The following TWSG1 variants were observed in gnomAD, a reference collection of about 807,000 sequenced individuals.
TWSG1 encodes the protein twisted gastrulation protein homolog 1.
A neutral mutation model predicts 23.0 loss-of-function variants in TWSG1; 15 were observed. That is an observed-to-expected ratio of 0.65 (90% CI 0.44 to 1.00). The LOEUF (loss-of-function observed/expected upper bound fraction) is 1.00, where lower values mean the gene tolerates loss of function less well. TWSG1 is among the 50% of genes least tolerant of loss of function. The pLI, the probability that TWSG1 is intolerant of heterozygous loss-of-function variation, is 0.00. For missense variants in TWSG1, 242 were observed against 278.7 expected (o/e 0.87, Z 0.94); for synonymous variants, 86 against 92.8 (o/e 0.93, Z 0.42).
intron 3 of TWSG1, among the ~76,000 whole-genome samples, chr18:9,394,981 A>T (rs1214680125): frequency 6.6e-6 from 1 of 152,176 alleles, no homozygotes; most frequent in East Asian, 1.9e-4. Flanking sequence ...AACCCCATTC[A>T]GTGTCACCAG....
In TWSG1 at chr18:9,361,647, G is replaced by A. The variant is rs542597836; in HGVS notation, c.223+1576G>A. On this transcript the variant is annotated intron_variant, in intron 3 of 4. Transcript: ENST00000262120. ...GCTGGGGTATGGGGCAGTATGCCAG[G>A]CTGCAAATGTTCTGGGAACCTGAGG... Among the ~76,000 whole-genome samples the A allele has an allele frequency of 6.6e-5, 10 of 152,324 alleles. No homozygotes were observed. In the South Asian group the frequency reaches 2.1e-3, roughly 32 times the overall value.
intron 3 of TWSG1, among the ~76,000 whole-genome samples, chr18:9,386,453 CAAAA>C (rs1168896311): frequency 3.0e-5 from 2 of 67,252 alleles, no homozygotes; most frequent in Non-Finnish European, 3.3e-5. Context: ...GACTCCATCT[CAAAA>C]AAAAAAAAAA....
intron 3 of TWSG1, among the ~76,000 whole-genome samples, chr18:9,379,201 T>C (rs567783738): frequency 1.6e-4 from 25 of 152,308 alleles, no homozygotes; most frequent in African/African-American, 6.0e-4. Flanking sequence ...TAAATCATTC[T>C]ACCTTAAAGA....
At chr18:9,387,805 A>T (rs2040692830) in intron 3 of TWSG1, among the ~76,000 whole-genome samples, 2 of 151,696 alleles carry the variant, frequency 1.3e-5, no homozygotes, top group Non-Finnish European at 2.9e-5. Context: ...GCAGACAGCA[A>T]ATACGTTTTA....
At chr18:9,361,633 G>A (rs1436296400) in intron 3 of TWSG1, among the ~76,000 whole-genome samples, 1 of 152,218 alleles carries the variant, frequency 6.6e-6, no homozygotes, top group Non-Finnish European at 1.5e-5. Flanking sequence ...CTGGGGTATG[G>A]GGCAGTATGC....
chr18:9,383,495 A>T (rs2040668813), intron 3 of TWSG1, among the ~76,000 whole-genome samples: 1 of 152,162 alleles, frequency 6.6e-6, no homozygotes, highest in African/African-American at 2.4e-5. Context: ...CCCGGCCTTG[A>T]ATTACACTTT....
chr18:9,396,993 G>C (rs112043678), intron 4 of TWSG1: 6,187 of 162,974 alleles, frequency 0.038, 418 homozygotes, highest in African/African-American at 0.14. Flanking sequence ...GAGAGTCGGA[G>C]GTTGCTGTGA....
chr18:9,351,951 ACT>A (rs1377688658), intron 2 of TWSG1, among the ~76,000 whole-genome samples: 1 of 152,054 alleles, frequency 6.6e-6, no homozygotes, highest in African/African-American at 2.4e-5. Context: ...CAGCCTGTTC[ACT>A]GTTTTTAGAT....
intron 2 of TWSG1, among the ~76,000 whole-genome samples, chr18:9,353,362 T>C (rs1441587660): frequency 6.6e-6 from 1 of 152,240 alleles, no homozygotes; most frequent in Non-Finnish European, 1.5e-5. Flanking sequence ...TTTTCCTTAA[T>C]ATAAATGTAG....
intron 2 of TWSG1, among the ~76,000 whole-genome samples, chr18:9,357,842 G>T (rs996749784): frequency 1.5e-4 from 4 of 25,970 alleles, no homozygotes; most frequent in South Asian, 1.1e-3. Flanking sequence ...AGCAGGGAAG[G>T]GGGGGGATGG....
At chr18:9,389,640 A>G (rs180724757) in intron 3 of TWSG1, among the ~76,000 whole-genome samples, 1 of 152,296 alleles carries the variant, frequency 6.6e-6, no homozygotes, top group Admixed American at 6.5e-5. Context: ...TCTTGCCATG[A>G]TCCTTAAACT....
At chr18:9,373,653 A>G (rs2040616261) in intron 3 of TWSG1, among the ~76,000 whole-genome samples, 3 of 152,258 alleles carry the variant, frequency 2.0e-5, no homozygotes, top group African/African-American at 4.8e-5. Flanking sequence ...CAGAGAATCA[A>G]TAGGGACATG....
intron 3 of TWSG1, among the ~76,000 whole-genome samples, chr18:9,395,947 C>T (rs1051936479): frequency 6.6e-6 from 1 of 151,954 alleles, no homozygotes; most frequent in African/African-American, 2.4e-5. Context: ...TCAGCATGTC[C>T]CATCATTCAT....
At chr18:9,344,490 C>CGTGTGTGTGTGTGTGTGT (rs1491456878) in intron 2 of TWSG1, among the ~76,000 whole-genome samples, 15 of 112,990 alleles carry the variant, frequency 1.3e-4, no homozygotes, top group South Asian at 6.8e-4. Context: ...TTAGTGAATG[C>CGTGTGTGTGTGTGTGTGT]ATGTGTGTGT....
chr18:9,346,333 T>G (rs931103133), intron 2 of TWSG1, among the ~76,000 whole-genome samples: 3 of 152,242 alleles, frequency 2.0e-5, no homozygotes, highest in African/African-American at 7.2e-5. Flanking sequence ...GCATTTATTT[T>G]TATCACTTAT....
At chr18:9,396,252 A>C (rs200431872) in intron 3 of TWSG1, 28 bp from the exon 4 acceptor site, 1 of 1,607,182 alleles carries the variant, frequency 6.2e-7, no homozygotes. Flanking sequence ...GTAACTAACA[A>C]AATCTTATGA....
chr18:9,346,504 T>G (rs1050284953), intron 2 of TWSG1, among the ~76,000 whole-genome samples: 3 of 152,126 alleles, frequency 2.0e-5, no homozygotes, highest in African/African-American at 4.8e-5. Context: ...TAGCCAGGCA[T>G]GGTGGCTCAG....
intron 3 of TWSG1, among the ~76,000 whole-genome samples, chr18:9,368,534 T>C (rs890019351): frequency 2.0e-5 from 3 of 151,848 alleles, no homozygotes; most frequent in African/African-American, 7.2e-5. Flanking sequence ...TGCTTTGGGC[T>C]GGGTGCAGTG....
chr18:9,360,150 A>ACTACATT, intron 3 of TWSG1, 79 bp downstream of exon 3: 1 of 1,095,652 alleles, frequency 9.1e-7, no homozygotes, highest in Non-Finnish European at 1.4e-6. Context: ...AGGAATATAA[A>ACTACATT]TGTAGTTTAT....
Sources: gnomAD v4.1 joint callset for allele counts (sites outside exome capture counted in the v4.1 genomes callset) on GRCh38, gnomAD v4.1.1 for gene constraint, MANE v1.5 for transcripts, NCBI Gene and HGNC (gene_info 2026-07-23, HGNC 2026-07-21) for gene names.